The following ANGPT1 variants were observed in gnomAD, a reference collection of about 807,000 sequenced individuals.
ANGPT1 encodes the protein angiopoietin-1.
ANGPT1 carries 17 observed loss-of-function variants against 62.2 expected under a neutral mutation model. The observed-to-expected ratio is 0.27, with a 90% confidence interval of 0.19 to 0.41. The LOEUF (loss-of-function observed/expected upper bound fraction) is 0.41. Ranked by LOEUF, ANGPT1 falls within the 10% of genes least tolerant of loss-of-function variation. ANGPT1 has a pLI of 1.00. For missense variants in ANGPT1, 478 were observed against 594.9 expected (o/e 0.80, Z 2.04); for synonymous variants, 199 against 198.9 (o/e 1.00, Z 0.00).
chr8:107,455,369 T>C (rs182699652), intron 1 of ANGPT1, among the ~76,000 whole-genome samples: 47 of 152,204 alleles, frequency 3.1e-4, no homozygotes, highest in African/African-American at 9.9e-4. Flanking sequence ...AACTATTAAG[T>C]GACTTAAACT....
chr8:107,378,072 T>C (rs1816563887), intron 1 of ANGPT1, among the ~76,000 whole-genome samples: 2 of 152,348 alleles, frequency 1.3e-5, no homozygotes, highest in Admixed American at 1.3e-4. Flanking sequence ...ATCTGTATAA[T>C]ATGCACTGTA....
intron 5 of ANGPT1, among the ~76,000 whole-genome samples, chr8:107,299,660 T>C (rs1265481668): frequency 7.3e-6 from 1 of 137,342 alleles, no homozygotes; most frequent in East Asian, 2.2e-4. Context: ...TATCTATATA[T>C]AGACATATAG....
intron 1 of ANGPT1, among the ~76,000 whole-genome samples, chr8:107,386,386 A>G (rs1816732572): frequency 6.6e-6 from 1 of 152,124 alleles, no homozygotes; most frequent in South Asian, 2.1e-4. Context: ...TACACCTTGA[A>G]TATAAAATAA....
At chr8:107,315,120 T>C (rs16876018) in intron 4 of ANGPT1, among the ~76,000 whole-genome samples, 7,080 of 152,194 alleles carry the variant, frequency 0.047, 439 homozygotes, top group African/African-American at 0.14. Context: ...AATGATCAAA[T>C]GTTCCATACC....
At chr8:107,276,494 G>T (rs748097718) in intron 7 of ANGPT1, among the ~76,000 whole-genome samples, 2 of 151,938 alleles carry the variant, frequency 1.3e-5, no homozygotes, top group Non-Finnish European at 2.9e-5. Flanking sequence ...AAAAAAAAAT[G>T]AAACAAGTTT....
chr8:107,326,708 T>C (rs996967530), intron 3 of ANGPT1, among the ~76,000 whole-genome samples: 1 of 152,166 alleles, frequency 6.6e-6, no homozygotes, highest in Non-Finnish European at 1.5e-5. Flanking sequence ...ACCATTATAG[T>C]TATATAGCAA....
At chr8:107,456,242 C>G (rs1045827537) in intron 1 of ANGPT1, among the ~76,000 whole-genome samples, 2 of 152,018 alleles carry the variant, frequency 1.3e-5, no homozygotes, top group Admixed American at 1.3e-4. Flanking sequence ...TAGTTTTCTG[C>G]GAACTTGGAC....
At chr8:107,435,431 G>C (rs909720081) in intron 1 of ANGPT1, among the ~76,000 whole-genome samples, 2 of 152,286 alleles carry the variant, frequency 1.3e-5, no homozygotes, top group African/African-American at 2.4e-5. Flanking sequence ...ATGTGTACAA[G>C]AATTAACAGA....
At chr8:107,319,160 T>TG (rs1424635260) in intron 4 of ANGPT1, among the ~76,000 whole-genome samples, 1 of 152,214 alleles carries the variant, frequency 6.6e-6, no homozygotes, top group African/African-American at 2.4e-5. Context: ...GCTTGTATAT[T>TG]GAGCATCTAA....
Position 107,278,695 on chromosome 8 carries a change from T to C in ANGPT1, c.1205+5987A>G, listed in dbSNP as rs377176768. On this transcript the variant is annotated intron_variant, in intron 7 of 8. Transcript: ENST00000517746. ...GCAGAGATGCCTGACAGTTTCTACA[T>C]TGTGTATTTCTTCACTTAGCACCCA... 1.8e-4 allele frequency among the ~76,000 whole-genome samples: 27 copies of C among 152,292 alleles called. No homozygotes were observed. In the East Asian group the frequency reaches 3.5e-3, roughly 20 times the overall value.
At chr8:107,265,877 T>C (rs1813602200) in intron 7 of ANGPT1, among the ~76,000 whole-genome samples, 1 of 150,966 alleles carries the variant, frequency 6.6e-6, no homozygotes, top group East Asian at 1.9e-4. Context: ...TCCTACTGTT[T>C]GTGGTATTTG....
chr8:107,420,202 T>C (rs1187542830), intron 1 of ANGPT1, among the ~76,000 whole-genome samples: 1 of 152,178 alleles, frequency 6.6e-6, no homozygotes, highest in African/African-American at 2.4e-5. Flanking sequence ...TTGTATCTAT[T>C]ATTATTTATA....
rs547492701 is a variant in ANGPT1 at position 107,389,807 on chromosome 8, A to T, written c.298-42710T>A. Among the ~76,000 whole-genome samples, 3 of 152,290 alleles carry T rather than the reference A, an allele frequency of 2.0e-5. No homozygotes were observed. The South Asian group carries it at 6.2e-4, about 32-fold the overall frequency. ...AATTCAAACAACAGCGTTTTAGAAAATAGTTGTGGCTACTCCCTCCATCTA... is the reference window on the plus strand; with the variant it reads ...AATTCAAACAACAGCGTTTTAGAAATTAGTTGTGGCTACTCCCTCCATCTA... On this transcript the variant is annotated intron_variant, in intron 1 of 8. Transcript: ENST00000517746.
chr8:107,396,660 A>G (rs145837214), intron 1 of ANGPT1, among the ~76,000 whole-genome samples: 1 of 151,376 alleles, frequency 6.6e-6, no homozygotes, highest in African/African-American at 2.4e-5. Context: ...AGCTGGGTCT[A>G]CAGGCCAGTG....
intron 1 of ANGPT1, among the ~76,000 whole-genome samples, chr8:107,413,121 C>A (rs1378361732): frequency 6.6e-6 from 1 of 152,092 alleles, no homozygotes; most frequent in Non-Finnish European, 1.5e-5. Flanking sequence ...GTTTACTCAG[C>A]CCTGGGTGAA....
intron 4 of ANGPT1, among the ~76,000 whole-genome samples, chr8:107,306,498 T>C (rs1022277093): frequency 6.6e-6 from 1 of 152,106 alleles, no homozygotes; most frequent in Non-Finnish European, 1.5e-5. Context: ...AGTTTCAATC[T>C]CATGACTTTT....
At chr8:107,278,029 T>C (rs1813905950) in intron 7 of ANGPT1, among the ~76,000 whole-genome samples, 1 of 152,082 alleles carries the variant, frequency 6.6e-6, no homozygotes. Context: ...ATATATTTCT[T>C]GGGCATGATA....
intron 1 of ANGPT1, among the ~76,000 whole-genome samples, chr8:107,388,465 C>A (rs1816775311): frequency 6.6e-6 from 1 of 151,948 alleles, no homozygotes; most frequent in Non-Finnish European, 1.5e-5. Context: ...AACAAAATAT[C>A]CTAGTCAATG....
chr8:107,372,347 T>C (rs60397972), intron 1 of ANGPT1, among the ~76,000 whole-genome samples: 43 of 152,296 alleles, frequency 2.8e-4, no homozygotes, highest in African/African-American at 1.0e-3. Flanking sequence ...TATGTGTGTG[T>C]ATTTAATAAA....
Sources: allele counts gnomAD v4.1 joint callset (sites outside exome capture counted in the v4.1 genomes callset), GRCh38; gene constraint gnomAD v4.1.1; transcripts MANE v1.5; gene names NCBI Gene and HGNC (gene_info 2026-07-23, HGNC 2026-07-21).